CASTOR1: variants seen among roughly 807,000 people sequenced by gnomAD.
CASTOR1 encodes cytosolic arginine sensor for mTORC1 subunit 1, also known as GATS protein like 3.
Under a neutral mutation model 33.7 loss-of-function variants are expected in CASTOR1, and 18 were observed. That is an observed-to-expected ratio of 0.53 (90% confidence interval 0.37 to 0.79). The LOEUF (loss-of-function observed/expected upper bound fraction) is 0.79, where lower values mean the gene tolerates loss of function less well. CASTOR1 is among the 30% of genes least tolerant of loss of function. The pLI, the probability that CASTOR1 is intolerant of heterozygous loss-of-function variation, is 0.00. For missense variants in CASTOR1, 362 were observed against 446.3 expected, an observed-to-expected ratio of 0.81 and a Z score of 1.70; for synonymous variants, 175 against 190.6, an observed-to-expected ratio of 0.92 and a Z score of 0.67.
In CASTOR1 at chr22:30,287,355, C is replaced by CA. The variant is rs1432390388; in HGVS notation, c.372+17dup. The CA allele has an allele frequency of 6.2e-7, 1 of 1,603,640 alleles. No homozygotes were observed. The highest frequency in any genetic ancestry group is 1.3e-5 in the African/African-American group (1 of 74,838). The stretch of plus-strand genomic sequence containing the variant: ...CTATATCCACCCTGCTCTGCATCAG[C>CA]ACCAGCAGGAAACTCACCAGGATGA... On this transcript the variant is annotated intron_variant, in intron 3 of 8. Transcript: ENST00000407689.
At position 30,289,355 on chromosome 22, in the gene CASTOR1, C is replaced by G. The variant is rs1929876001; in HGVS notation, c.113+30G>C. ...GGAGCGAGAGCAGAGCCCCCAGCCC[C>G]TATCTGCGCTCCCGAACCCGGGCGC... On this transcript the variant is annotated intron_variant, in intron 1 of 8. Transcript: ENST00000407689. 5.4e-6 allele frequency: 8 copies of G among 1,477,756 alleles called. No homozygotes were observed. In the African/African-American group the frequency reaches 9.7e-5, roughly 18 times the overall value. 91.5% of individuals were successfully genotyped at this position (1,477,756 alleles called of 1,614,324 possible). A position where few individuals can be genotyped will look rare whatever the true frequency, so the allele number is the denominator to read the frequency against.
In CASTOR1 at chr22:30,286,252, G is replaced by A; in HGVS notation, c.743+11C>T. ...GGGCCTGGGGCCCACCCGGGGTCAGGGGTCACCTACTTTTTCTGTGTTTCA... is the reference window on the plus strand; with the variant it reads ...GGGCCTGGGGCCCACCCGGGGTCAGAGGTCACCTACTTTTTCTGTGTTTCA... On this transcript the variant is annotated intron_variant, in intron 6 of 8. Transcript: ENST00000407689. 1 of 1,600,114 alleles carries A rather than the reference G, an allele frequency of 6.2e-7. No individual in the cohort carries two copies. Among genetic ancestry groups the A allele is most frequent in the Non-Finnish European group, 8.6e-7 (1 of 1,168,060 alleles).
rs962847535 is a variant in CASTOR1, at chr22:30,286,306, C to T, written c.700G>A (p.Glu234Lys). ...SITFFAFSLI[E>K]GYISIVMDAE... is the part of the protein sequence containing the mutation. The stretch of plus-strand genomic sequence containing the variant: ...TCCATGACAATGGAGATATAACCCT[C>T]GATGAGGGAGAAGGCAAAGAACGTG... The change falls in exon 6 of 9, where the codon GAG (glutamate) becomes AAG (lysine). Residue 234 changes from glutamate (E) to lysine (K), a missense_variant. Glu to Lys is a moderately conservative substitution (Grantham distance 56). Transcript: ENST00000407689. The T allele has an allele frequency of 3.1e-6, 5 of 1,613,956 alleles. No homozygotes were observed. The highest frequency in any genetic ancestry group is 2.7e-5 in the African/African-American group (2 of 74,924).
chr22:30,285,558 A>G lies in CASTOR1; in HGVS notation c.*62T>C. ...TCCAGAGCTTAAGGAAATAGCTTAG[A>G]GAAGTCTTTGGAAGCCTGGGTCGAG... On this transcript the variant is annotated 3_prime_UTR_variant, in exon 9 of 9. Transcript: ENST00000407689. The G allele has an allele frequency of 7.8e-7, 1 of 1,285,074 alleles. No homozygotes were observed. Among genetic ancestry groups the G allele is most frequent in the Non-Finnish European group, 1.1e-6 (1 of 912,808 alleles). The allele number at this position is 1,285,074 out of a possible 1,614,324, so 79.6% of individuals were successfully genotyped here. A position where few individuals can be genotyped will look rare whatever the true frequency, so the allele number is the denominator to read the frequency against.
At chr22:30,287,725 T>A in intron 2 of CASTOR1, 165 bp from the exon 3 acceptor site, 1 of 739,212 alleles carries the variant, frequency 1.4e-6, no homozygotes, top group Non-Finnish European at 2.4e-6. Context: ...GAGAAAGGCT[T>A]CAAGTGCTGG....
chr22:30,286,066 G>A lies in CASTOR1; in HGVS notation c.776C>T (p.Ser259Leu), dbSNP rs754982494. ...FPSDLLLTSS[S>L]GELWRMVRIG... is the part of the protein sequence containing the mutation. ...GCGCACCATCCTCCACAGCTCCCCC[G>A]AGGAGCTGGTCAGCAGGAGGTCACT... The change falls in exon 7 of 9, where the codon TCG (serine) becomes TTG (leucine). Residue 259 changes from serine (S) to leucine (L), a missense_variant. Coordinates refer to ENST00000407689, the MANE Select transcript of CASTOR1 (RefSeq NM_001037666.3). 14 of 1,582,076 alleles carry A rather than the reference G, an allele frequency of 8.8e-6. No homozygotes were observed. Among genetic ancestry groups the A allele is most frequent in the Admixed American group, 6.9e-5 (4 of 57,904 alleles).
Position 30,288,739 on chromosome 22 carries a change from A to C in CASTOR1, c.151T>G (p.Tyr51Asp), listed in dbSNP as rs1177218483. The change falls in exon 2 of 9, where the codon TAC becomes GAC. Residue 51 changes from tyrosine (Y) to aspartate (D), a missense_variant. Coordinates refer to ENST00000407689, the MANE Select transcript of CASTOR1 (RefSeq NM_001037666.3). ...CCCTCCTCGTCCACCATAAGCGTGT[A>C]ATCCTCAGGGGTCTCCGTCAGGCTG... ...FFSLTETPEDYTLMVDEEGFK... is the reference protein window; with the variant it reads ...FFSLTETPEDDTLMVDEEGFK... 1 of 1,612,624 alleles carries C rather than the reference A, an allele frequency of 6.2e-7. No homozygotes were observed. Among genetic ancestry groups the C allele is most frequent in the Non-Finnish European group, 8.5e-7 (1 of 1,179,456 alleles).
In CASTOR1 at chr22:30,285,847, G is replaced by A. The variant is rs1363196970; in HGVS notation, c.906C>T (p.Asn302=). Residue 302 remains asparagine, a synonymous_variant, in exon 8 of 9, where the codon AAC becomes AAT. Coordinates refer to ENST00000407689, the MANE Select transcript of CASTOR1 (RefSeq NM_001037666.3). ...TGGTGCTCACCAGGGCGTGGTCGAA[G>A]TTGAAGGTGCTGATGTAGTAGGCAG... The part of the protein sequence containing the change: ...DISAYYISTF[N]FDHALVPEDG... 1 of 1,610,416 alleles carries A rather than the reference G, an allele frequency of 6.2e-7. No homozygotes were observed. Among genetic ancestry groups the A allele is most frequent in the African/African-American group, 1.3e-5 (1 of 74,924 alleles).
At position 30,285,300 on chromosome 22, in the gene CASTOR1, T is replaced by C. The variant is rs925869387; in HGVS notation, c.*320A>G. 4.3e-6 allele frequency: 1 copy of C among 231,124 alleles called. No homozygotes were observed. The highest frequency in any genetic ancestry group is 9.2e-5 in the East Asian group (1 of 10,854). The allele number at this position is 231,124 out of a possible 1,614,324, so 14.3% of individuals were successfully genotyped here. On this transcript the variant is annotated 3_prime_UTR_variant, in exon 9 of 9. Transcript: ENST00000407689. ...GCTGGCCCAGGAAGCCTTTGGGGAA[T>C]GGCTCAGGCCTCAGGCAGGGACTGT...
At position 30,287,355 on chromosome 22, in the gene CASTOR1, C is replaced by T. The variant is rs756121324; in HGVS notation, c.372+18G>A. 5.0e-6 allele frequency: 8 copies of T among 1,603,642 alleles called. No homozygotes were observed. Among genetic ancestry groups the T allele is most frequent in the African/African-American group, 1.3e-5 (1 of 74,838 alleles). ...CTATATCCACCCTGCTCTGCATCAG[C>T]ACCAGCAGGAAACTCACCAGGATGA... On this transcript the variant is annotated intron_variant, in intron 3 of 8. Transcript: ENST00000407689.
chr22:30,287,488 C>G lies in CASTOR1; in HGVS notation c.257G>C (p.Gly86Ala). The stretch of plus-strand genomic sequence containing the variant: ...GACCCCAGCAGCCTGCACTGCCGCA[C>G]CGCTGTGAGACGACACGTTCAGCAC... ...WLVLNVSSHS[G>A]AAVQAAGVTK... The change falls in exon 3 of 9, where the codon GGT becomes GCT. Residue 86 changes from glycine to alanine, a missense_variant. Coordinates refer to ENST00000407689, the MANE Select transcript of CASTOR1 (RefSeq NM_001037666.3). The G allele has an allele frequency of 1.2e-6, 2 of 1,613,434 alleles. No individual in the cohort carries two copies. The highest frequency in any genetic ancestry group is 1.7e-6 in the Non-Finnish European group (2 of 1,180,044).
Position 30,286,377 on chromosome 22 carries a change from CTGGGGAGGGA to C in CASTOR1, c.630-11_630-2del. The C allele has an allele frequency of 6.2e-7, 1 of 1,607,670 alleles. No individual in the cohort carries two copies. Among genetic ancestry groups the C allele is most frequent in the Non-Finnish European group, 8.5e-7 (1 of 1,174,418 alleles). On this transcript the variant is annotated splice_acceptor_variant and splice_polypyrimidine_tract_variant and intron_variant, in intron 5 of 8. Coordinates refer to ENST00000407689, the MANE Select transcript of CASTOR1 (RefSeq NM_001037666.3). LOFTEE classifies it high-confidence loss of function. ...GCTAGAGGCTGCCTCCTTGGGGGTG[CTGGGGAGGGA>C]TGGGAGGTTTAGGGGCTCTACCAGG... is the stretch of plus-strand genomic sequence containing the variant.
Position 30,285,837 on chromosome 22 carries a change from C to T in CASTOR1, c.916G>A (p.Ala306Thr), listed in dbSNP as rs1211488559. The T allele has an allele frequency of 5.6e-6, 9 of 1,608,294 alleles. No homozygotes were observed. Among genetic ancestry groups the T allele is most frequent in the Non-Finnish European group, 6.8e-6 (8 of 1,177,490 alleles). Reference sequence around the variant, plus strand: ...CCCCAGCCCTTGGTGCTCACCAGGGCGTGGTCGAAGTTGAAGGTGCTGATG... The same window carrying T: ...CCCCAGCCCTTGGTGCTCACCAGGGTGTGGTCGAAGTTGAAGGTGCTGATG... ...YYISTFNFDH[A>T]LVPEDGIGSV... Residue 306 changes from alanine to threonine, a missense_variant, in exon 8 of 9, where the codon GCC becomes ACC. By Grantham distance (58) the Ala-to-Thr change is moderately conservative (BLOSUM62 0). Transcript: ENST00000407689.
chr22:30,285,975 C>T, intron 7 of CASTOR1, 41 bp downstream of exon 7: 1 of 1,581,276 alleles, frequency 6.3e-7, no homozygotes, highest in Non-Finnish European at 8.6e-7. Context: ...GGTTGCTCCC[C>T]AGACACTCCC....
At chr22:30,287,050 A>G in intron 4 of CASTOR1, 102 bp from the exon 5 acceptor site, 2 of 1,552,100 alleles carry the variant, frequency 1.3e-6, no homozygotes, top group South Asian at 1.2e-5. Flanking sequence ...CTTGCTATCC[A>G]GGAACTGGCC....
rs1929828460 is a variant in CASTOR1 at position 30,288,078 on chromosome 22, G to A, written c.185-518C>T. On this transcript the variant is annotated intron_variant, in intron 2 of 8. Transcript: ENST00000407689. ...AGGCTAAGCTCCAGCTAGCTGGCCT[G>A]AGACTCCAAGCCTGTGAGGATGGGC... 8.5e-6 allele frequency: 3 copies of A among 354,936 alleles called. No homozygotes were observed. The Admixed American group carries it at 1.1e-4, about 13-fold the overall frequency. 22.0% of individuals were successfully genotyped at this position (354,936 alleles called of 1,614,324 possible).
chr22:30,286,172 C>T (rs565934560), intron 6 of CASTOR1, 74 bp from the exon 7 acceptor site: 1 of 1,425,180 alleles, frequency 7.0e-7, no homozygotes. Flanking sequence ...GGGACAGGTA[C>T]ACCTGCTGAC....
rs1177301408 is a variant in CASTOR1 at position 30,288,637 on chromosome 22, G to T, written c.184+69C>A. 8.0e-6 allele frequency: 11 copies of T among 1,374,100 alleles called. No individual in the cohort carries two copies. In the Admixed American group the frequency reaches 2.1e-4, roughly 26 times the overall value. 85.1% of individuals were successfully genotyped at this position (1,374,100 alleles called of 1,614,324 possible). Reference sequence around the variant, plus strand: ...CTCTTGGGACGGATCCCAGCAACTGGTGAGAACCCTACAGAAGGGGAGCAC... The same window carrying T: ...CTCTTGGGACGGATCCCAGCAACTGTTGAGAACCCTACAGAAGGGGAGCAC... On this transcript the variant is annotated intron_variant, in intron 2 of 8. Coordinates refer to ENST00000407689, the MANE Select transcript of CASTOR1 (RefSeq NM_001037666.3).
rs1371040617 is a variant in CASTOR1 at position 30,285,141 on chromosome 22, A to C, written c.*479T>G. The C allele has an allele frequency of 6.5e-6, 1 of 153,948 alleles. No individual in the cohort carries two copies. Among genetic ancestry groups the C allele is most frequent in the East Asian group, 1.9e-4 (1 of 5,254 alleles). 9.5% of individuals were successfully genotyped at this position (153,948 alleles called of 1,614,324 possible). A position where few individuals can be genotyped will look rare whatever the true frequency, so the allele number is the denominator to read the frequency against. Reference sequence around the variant, plus strand: ...AGTCACTACAAAGTCCTTTATTAACAAGTCAATAAAAACAGAAGAGAGAGA... The same window carrying C: ...AGTCACTACAAAGTCCTTTATTAACCAGTCAATAAAAACAGAAGAGAGAGA... On this transcript the variant is annotated 3_prime_UTR_variant, in exon 9 of 9. Coordinates refer to ENST00000407689, the MANE Select transcript of CASTOR1 (RefSeq NM_001037666.3).
Sources: gnomAD v4.1 joint callset for allele counts on GRCh38, gnomAD v4.1.1 for gene constraint, MANE v1.5 for transcripts, NCBI Gene and HGNC (gene_info 2026-07-23, HGNC 2026-07-21) for gene names.